MOXD1: variants seen among roughly 807,000 people sequenced by gnomAD.
The protein encoded by MOXD1 is monooxygenase DBH like 1.
In MOXD1, 62 loss-of-function variants were observed where a neutral mutation model predicts 66.6. That is an observed-to-expected ratio of 0.93 (90% CI 0.76 to 1.15). The LOEUF is 1.15. Ranked by LOEUF, MOXD1 falls within the 50% of genes most tolerant of loss-of-function variation. The pLI is 0.00. For missense variants in MOXD1, 847 were observed against 754.6 expected (o/e 1.12, Z -1.44); for synonymous variants, 303 against 281.9 (o/e 1.07, Z -0.75).
At chr6:132,342,415 AC>A (rs1188129043) in intron 4 of MOXD1, among the ~76,000 whole-genome samples, 2 of 152,342 alleles carry the variant, frequency 1.3e-5, no homozygotes, top group African/African-American at 2.4e-5. Context: ...CACATATGTA[AC>A]TTTTTTACTG....
chr6:132,366,853 C>T lies in MOXD1; in HGVS notation c.663+5755G>A, dbSNP rs552745406. 4.8e-4 allele frequency among the ~76,000 whole-genome samples: 73 copies of T among 152,200 alleles called. No homozygotes were observed. In the South Asian group the frequency reaches 0.013, roughly 26 times the overall value. The stretch of plus-strand genomic sequence containing the variant: ...TGCCTACTATAGGAAAATCAATTTT[C>T]GAGTGGCTATTTCATGGCTCTACAG... On this transcript the variant is annotated intron_variant, in intron 4 of 11. Transcript: ENST00000367963.
chr6:132,393,505 G>C (rs945213914), intron 1 of MOXD1, among the ~76,000 whole-genome samples: 1 of 152,168 alleles, frequency 6.6e-6, no homozygotes, highest in Non-Finnish European at 1.5e-5. Context: ...GTAAGTGAGA[G>C]ACACCAAGTG....
In MOXD1 at chr6:132,315,486, A is replaced by G. The variant is rs1774924194; in HGVS notation, c.1508+149T>C. 1.9e-5 allele frequency: 17 copies of G among 901,896 alleles called. No homozygotes were observed. In the South Asian group the frequency reaches 2.9e-4, roughly 15 times the overall value. The allele number at this position is 901,896 out of a possible 1,614,324, so 55.9% of individuals were successfully genotyped here. ...GGGACTCTGGACATAGTAATCAAAA[A>G]GGTTACTTGGTCTCCCCAGTTAAAA... On this transcript the variant is annotated intron_variant, in intron 10 of 11. Coordinates refer to ENST00000367963, the MANE Select transcript of MOXD1 (RefSeq NM_015529.4).
At chr6:132,311,809 A>G (rs1030989772) in intron 10 of MOXD1, among the ~76,000 whole-genome samples, 7 of 152,088 alleles carry the variant, frequency 4.6e-5, no homozygotes, top group South Asian at 2.1e-4. Context: ...ACATGTTAGC[A>G]ATGTTTATGT....
chr6:132,366,978 T>C (rs192325480), intron 4 of MOXD1, among the ~76,000 whole-genome samples: 3 of 152,242 alleles, frequency 2.0e-5, no homozygotes, highest in African/African-American at 4.8e-5. Flanking sequence ...TTGAGATTTA[T>C]GAGTGCTACC....
intron 10 of MOXD1, among the ~76,000 whole-genome samples, chr6:132,309,469 C>T (rs1252407380): frequency 1.3e-5 from 2 of 152,210 alleles, no homozygotes; most frequent in African/African-American, 2.4e-5. Context: ...AGATTCAACG[C>T]TATTTCCATC....
chr6:132,334,269 T>G (rs1775391038), intron 4 of MOXD1, among the ~76,000 whole-genome samples: 1 of 152,250 alleles, frequency 6.6e-6, no homozygotes. Flanking sequence ...TCCACTATAC[T>G]GCATCCCACT....
At chr6:132,370,200 G>C (rs1467434986) in intron 4 of MOXD1, among the ~76,000 whole-genome samples, 1 of 151,954 alleles carries the variant, frequency 6.6e-6, no homozygotes, top group East Asian at 1.9e-4. Flanking sequence ...CAAAACATAG[G>C]AGTCTTTGAT....
chr6:132,313,633 G>A (rs1233055854), intron 10 of MOXD1, among the ~76,000 whole-genome samples: 1 of 152,130 alleles, frequency 6.6e-6, no homozygotes, highest in Non-Finnish European at 1.5e-5. Flanking sequence ...TCTATGTGTG[G>A]CTAGGCATGG....
rs767441250 is a variant in MOXD1 at position 132,374,616 on chromosome 6, T to C, written c.411+15A>G. On this transcript the variant is annotated intron_variant, in intron 2 of 11. Transcript: ENST00000367963. ...ACAATTTGTTCATGCATGCATTCAC[T>C]CATAGATGCCTTACCGTTATACTCT... 87 of 1,612,758 alleles carry C rather than the reference T, an allele frequency of 5.4e-5. No individual in the cohort carries two copies. The highest frequency in any genetic ancestry group is 7.1e-5 in the Non-Finnish European group (84 of 1,179,680).
intron 4 of MOXD1, among the ~76,000 whole-genome samples, chr6:132,359,889 C>T (rs2114639914): frequency 6.6e-6 from 1 of 152,308 alleles, no homozygotes; most frequent in Non-Finnish European, 1.5e-5. Flanking sequence ...GACTTCAGTC[C>T]TCCCTTCAAT....
At chr6:132,316,672 G>T (rs1288966896) in intron 9 of MOXD1, among the ~76,000 whole-genome samples, 2 of 152,090 alleles carry the variant, frequency 1.3e-5, no homozygotes, top group Non-Finnish European at 2.9e-5. Flanking sequence ...TGAACTTGAA[G>T]ATTAATCAAT....
At chr6:132,321,296 G>A (rs1775073889) in intron 8 of MOXD1, among the ~76,000 whole-genome samples, 1 of 151,470 alleles carries the variant, frequency 6.6e-6, no homozygotes, top group Non-Finnish European at 1.5e-5. Context: ...TTTCACAGCT[G>A]TTACGAGGAG....
chr6:132,329,153 T>G (rs1257289423), intron 4 of MOXD1, among the ~76,000 whole-genome samples: 2 of 152,066 alleles, frequency 1.3e-5, no homozygotes, highest in Non-Finnish European at 2.9e-5. Flanking sequence ...TGTGATGTTC[T>G]CCACCCTGTG....
At position 132,340,638 on chromosome 6, in the gene MOXD1, A is replaced by ATTTTTTTTTTT. The variant is rs869205496; in HGVS notation, c.664-12055_664-12045dup. Among the ~76,000 whole-genome samples the ATTTTTTTTTTT allele has an allele frequency of 8.1e-5, 8 of 98,788 alleles. 1 individual carries two copies. Among genetic ancestry groups the ATTTTTTTTTTT allele is most frequent in the African/African-American group, 2.7e-4 (6 of 22,564 alleles). 64.8% of individuals were successfully genotyped at this position (98,788 alleles called of 152,430 possible). ...ACAACATGCTAAAACAACAAGACTC[A>ATTTTTTTTTTT]TTTTTTTTTTTTTTTTTTTTTTTTT... On this transcript the variant is annotated intron_variant, in intron 4 of 11. Coordinates refer to ENST00000367963, the MANE Select transcript of MOXD1 (RefSeq NM_015529.4).
rs1777012791 is a variant in MOXD1 at position 132,401,046 on chromosome 6, G to C, written c.264+117C>G. Reference sequence around the variant, plus strand: ...AGAGTGAGCGTGGCCGGGGGCGCGGGGCTGCGCCAGGTGAGAGAGAGCTGC... The same window carrying C: ...AGAGTGAGCGTGGCCGGGGGCGCGGCGCTGCGCCAGGTGAGAGAGAGCTGC... On this transcript the variant is annotated intron_variant, in intron 1 of 11. Transcript: ENST00000367963. 3.2e-6 allele frequency: 4 copies of C among 1,261,876 alleles called. No homozygotes were observed. The East Asian group carries it at 1.2e-4, about 39-fold the overall frequency. The allele number at this position is 1,261,876 out of a possible 1,614,324, so 78.2% of individuals were successfully genotyped here.
At chr6:132,373,091 GAAGTGA>G in intron 2 of MOXD1, 94 bp from the exon 3 acceptor site, 5 of 1,209,656 alleles carry the variant, frequency 4.1e-6, no homozygotes, top group Non-Finnish European at 4.5e-6. Context: ...ACAAGATATA[GAAGTGA>G]AGAAAAGACA....
At chr6:132,326,186 TA>T (rs1176525363) in intron 6 of MOXD1, among the ~76,000 whole-genome samples, 1 of 152,172 alleles carries the variant, frequency 6.6e-6, no homozygotes, top group East Asian at 1.9e-4. Flanking sequence ...AAATGATTAT[TA>T]AAAAACTTTT....
intron 1 of MOXD1, among the ~76,000 whole-genome samples, chr6:132,382,445 C>T (rs927980637): frequency 6.6e-6 from 1 of 152,006 alleles, no homozygotes; most frequent in Admixed American, 6.5e-5. Flanking sequence ...AATTCAAACA[C>T]TTTGATTTAG....
Sources: allele counts gnomAD v4.1 joint callset (sites outside exome capture counted in the v4.1 genomes callset), GRCh38; gene constraint gnomAD v4.1.1; transcripts MANE v1.5; gene names NCBI Gene and HGNC (gene_info 2026-07-23, HGNC 2026-07-21).